The following SLC24A2 variants were observed in gnomAD, a reference collection of about 807,000 sequenced individuals.
SLC24A2 encodes the protein solute carrier family 24 member 2.
In SLC24A2, 36 loss-of-function variants were observed where a neutral mutation model predicts 62.0. The ratio of observed to expected loss-of-function variants is 0.58; its 90% CI spans 0.44 to 0.77. The LOEUF is 0.77. Ranked by LOEUF, SLC24A2 falls within the 30% of genes least tolerant of loss-of-function variation. The pLI is 0.00. For synonymous variants in SLC24A2, 358 were observed against 294.0 expected (o/e 1.22, Z -2.23); for missense variants, 846 against 817.9 (o/e 1.03, Z -0.42).
the SLC24A2 span, among the ~76,000 whole-genome samples, chr9:19,966,243 T>C: frequency 6.6e-6 from 1 of 152,192 alleles, no homozygotes; most frequent in Admixed American, 6.5e-5. Context: ...TTTTGGATTG[T>C]GTCTAGCGTG....
chr9:20,054,111 T>C, the SLC24A2 span, among the ~76,000 whole-genome samples: 1 of 152,154 alleles, frequency 6.6e-6, no homozygotes, highest in Non-Finnish European at 1.5e-5. Flanking sequence ...AAACAGGTGG[T>C]GTTTAGTTGC....
chr9:20,139,358 G>A, the SLC24A2 span, among the ~76,000 whole-genome samples: 2 of 152,114 alleles, frequency 1.3e-5, no homozygotes, highest in African/African-American at 4.8e-5. Context: ...CCATAAAATG[G>A]GGATGGCAGC....
intron 2 of SLC24A2, among the ~76,000 whole-genome samples, chr9:19,774,244 T>A (rs1587306940): frequency 6.6e-6 from 1 of 152,238 alleles, no homozygotes; most frequent in East Asian, 1.9e-4. Flanking sequence ...CTTTTCCTGT[T>A]TAATCTCATC....
chr9:19,544,422 C>T (rs1419559258), intron 8 of SLC24A2, among the ~76,000 whole-genome samples: 2 of 152,090 alleles, frequency 1.3e-5, no homozygotes, highest in Admixed American at 1.3e-4. Context: ...GAATTTATCA[C>T]ATTTACATTT....
the SLC24A2 span, among the ~76,000 whole-genome samples, chr9:20,270,588 G>A: frequency 3.9e-5 from 6 of 152,264 alleles, no homozygotes; most frequent in South Asian, 2.1e-4. Flanking sequence ...CTAAAATAAA[G>A]TGCTTTCCCT....
chr9:19,869,175 C>T, the SLC24A2 span, among the ~76,000 whole-genome samples: 2 of 152,006 alleles, frequency 1.3e-5, no homozygotes, highest in African/African-American at 2.4e-5. Flanking sequence ...GAGATGAGGT[C>T]TCCCTATGTT....
chr9:19,990,993 T>A, the SLC24A2 span, among the ~76,000 whole-genome samples: 1 of 143,102 alleles, frequency 7.0e-6, no homozygotes, highest in African/African-American at 2.7e-5. Flanking sequence ...ATGTATTATA[T>A]ATGTGTGTAT....
chr9:20,294,398 C>T, the SLC24A2 span, among the ~76,000 whole-genome samples: 4 of 152,282 alleles, frequency 2.6e-5, no homozygotes, highest in African/African-American at 4.8e-5. Context: ...CTTCCCAACT[C>T]CCCATGAGGC....
At chr9:19,673,797 G>T (rs1305290319) in intron 2 of SLC24A2, among the ~76,000 whole-genome samples, 2 of 152,218 alleles carry the variant, frequency 1.3e-5, no homozygotes, top group East Asian at 3.9e-4. Flanking sequence ...GCAGATACTT[G>T]GTTGGGGAAT....
intron 2 of SLC24A2, among the ~76,000 whole-genome samples, chr9:19,680,774 T>C (rs1819698009): frequency 6.6e-6 from 1 of 152,052 alleles, no homozygotes; most frequent in South Asian, 2.1e-4. Context: ...AGTTCACAAC[T>C]AGTGACAGTT....
intron 8 of SLC24A2, among the ~76,000 whole-genome samples, chr9:19,545,004 G>C (rs1233652507): frequency 1.3e-5 from 2 of 152,118 alleles, no homozygotes; most frequent in African/African-American, 2.4e-5. Flanking sequence ...TCTCCTGGAT[G>C]ATATCCCGAA....
Position 19,729,802 on chromosome 9 carries a change from T to C in SLC24A2, c.930+56135A>G, listed in dbSNP as rs189130278. ...ACCTGGAATAAGTTCTAGTGCTCTA[T>C]CTCAACTATAGAATGCCTATAGTTA... On this transcript the variant is annotated intron_variant, in intron 2 of 10. Coordinates refer to ENST00000341998, the MANE Select transcript of SLC24A2 (RefSeq NM_020344.4). 2.6e-3 allele frequency among the ~76,000 whole-genome samples: 391 copies of C among 152,234 alleles called. 2 individuals carry two copies. Among genetic ancestry groups the C allele is most frequent in the Admixed American group, 4.3e-3 (66 of 15,268 alleles).
chr9:20,279,754 A>T, the SLC24A2 span, among the ~76,000 whole-genome samples: 3 of 151,956 alleles, frequency 2.0e-5, no homozygotes, highest in African/African-American at 7.3e-5. Context: ...GGGTAGAAAA[A>T]TTTTTCCTTG....
intron 8 of SLC24A2, among the ~76,000 whole-genome samples, chr9:19,533,098 T>C (rs944866606): frequency 2.0e-5 from 3 of 152,182 alleles, no homozygotes; most frequent in Non-Finnish European, 4.4e-5. Context: ...GTCATACAAT[T>C]TGCATATAAA....
chr9:19,699,466 G>C (rs1362188156), intron 2 of SLC24A2, among the ~76,000 whole-genome samples: 3 of 152,132 alleles, frequency 2.0e-5, no homozygotes, highest in African/African-American at 4.8e-5. Flanking sequence ...AACAGTAAGT[G>C]AATAATGTTT....
chr9:20,067,366 T>C, the SLC24A2 span, among the ~76,000 whole-genome samples: 4 of 152,228 alleles, frequency 2.6e-5, no homozygotes, highest in African/African-American at 9.6e-5. Flanking sequence ...GGTCTTCATA[T>C]TCTGTGGTGA....
the SLC24A2 span, among the ~76,000 whole-genome samples, chr9:20,159,222 G>A: frequency 6.6e-6 from 1 of 151,666 alleles, no homozygotes; most frequent in Non-Finnish European, 1.5e-5. Context: ...CATTCCTGAA[G>A]AGTCTACTAG....
chr9:20,213,638 T>C, the SLC24A2 span, among the ~76,000 whole-genome samples: 1 of 152,214 alleles, frequency 6.6e-6, no homozygotes, highest in Non-Finnish European at 1.5e-5. Flanking sequence ...ATGGAGCTTT[T>C]TAAATTGAAT....
chr9:19,558,647 G>C (rs1835228225), intron 7 of SLC24A2, among the ~76,000 whole-genome samples: 1 of 152,172 alleles, frequency 6.6e-6, no homozygotes, highest in Admixed American at 6.5e-5. Context: ...AACTGAAATA[G>C]GAGATAATTT....
Sources: gnomAD v4.1 joint callset for allele counts (sites outside exome capture counted in the v4.1 genomes callset) on GRCh38, gnomAD v4.1.1 for gene constraint, MANE v1.5 for transcripts, NCBI Gene and HGNC (gene_info 2026-07-23, HGNC 2026-07-21) for gene names.